Variants in CTNNA2 observed in about 807,000 individuals in gnomAD.
CTNNA2 encodes catenin alpha-2.
CTNNA2 carries 42 observed loss-of-function variants against 101.0 expected under a neutral mutation model. That is an observed-to-expected ratio of 0.42 (90% CI 0.32 to 0.54). The LOEUF (loss-of-function observed/expected upper bound fraction) is 0.54, where lower values mean the gene tolerates loss of function less well. Among genes scored for constraint, CTNNA2 ranks in the 20% least tolerant of loss-of-function variants. CTNNA2 has a pLI of 0.14. For synonymous variants in CTNNA2, 450 were observed against 456.4 expected, an observed-to-expected ratio of 0.99 and a Z score of 0.18; for missense variants, 871 against 1,223.1, an observed-to-expected ratio of 0.71 and a Z score of 4.29.
chr2:79,736,802 G>A (rs1350640312), intron 2 of CTNNA2, among the ~76,000 whole-genome samples: 1 of 152,198 alleles, frequency 6.6e-6, no homozygotes, highest in Non-Finnish European at 1.5e-5. Context: ...TATCTGCAAA[G>A]TGCACAAGTC....
chr2:80,156,654 G>A (rs935991379), intron 7 of CTNNA2, among the ~76,000 whole-genome samples: 9 of 152,178 alleles, frequency 5.9e-5, no homozygotes, highest in African/African-American at 2.2e-4. Context: ...CACTTGACAT[G>A]GCTGAGCTTC....
At chr2:79,497,930 G>A (rs1671276763) in intron 4 of CTNNA2, 1 of 152,192 alleles carries the variant, frequency 6.6e-6, no homozygotes, top group South Asian at 2.1e-4. Context: ...TAAAAGTACA[G>A]GGTAGGGCAC....
intron 2 of CTNNA2, among the ~76,000 whole-genome samples, chr2:79,294,439 G>A (rs1304419704): frequency 2.6e-5 from 4 of 152,040 alleles, no homozygotes; most frequent in Non-Finnish European, 5.9e-5. Flanking sequence ...GGGGTTTAGG[G>A]ATTTGACATG....
intron 7 of CTNNA2, among the ~76,000 whole-genome samples, chr2:80,125,646 C>A (rs114234844): frequency 1.9e-4 from 29 of 152,244 alleles, no homozygotes; most frequent in African/African-American, 6.7e-4. Flanking sequence ...TCTCATCAGA[C>A]TCCTTCATGA....
chr2:79,586,559 T>C (rs187493275), intron 1 of CTNNA2, among the ~76,000 whole-genome samples: 37 of 152,198 alleles, frequency 2.4e-4, no homozygotes, highest in African/African-American at 8.4e-4. Context: ...TTTTTTGTTA[T>C]GTTTCTGTTT....
chr2:80,124,785 A>G (rs1164049289), intron 7 of CTNNA2, among the ~76,000 whole-genome samples: 1 of 152,154 alleles, frequency 6.6e-6, no homozygotes, highest in Non-Finnish European at 1.5e-5. Context: ...CTCTGAATAA[A>G]TATGCAATCT....
In CTNNA2 at chr2:80,302,061, G is replaced by T; in HGVS notation, c.1057-91150G>T. 1 of 741,294 alleles carries T rather than the reference G, an allele frequency of 1.3e-6. No homozygotes were observed. The allele number at this position is 741,294 out of a possible 1,614,324, so 45.9% of individuals were successfully genotyped here. On this transcript the variant is annotated intron_variant, in intron 7 of 18. Transcript: ENST00000402739. The surrounding 1 kb of genome is among the most constrained non-coding windows in gnomAD (Gnocchi z 6.4). ...GTTGTGGGGTGGGGTTTTTTGTTGT[G>T]TTTTAATTCGCTTTTGTTTTTAAGA...
At chr2:79,651,131 T>C (rs1681217553) in intron 1 of CTNNA2, among the ~76,000 whole-genome samples, 1 of 152,130 alleles carries the variant, frequency 6.6e-6, no homozygotes, top group Non-Finnish European at 1.5e-5. Flanking sequence ...GATCTAGAAC[T>C]CTCTGTGTTT....
rs184196128 is a variant in CTNNA2, at chr2:80,201,238, C to A, written c.1057-191973C>A. Among the ~76,000 whole-genome samples, 3 of 151,932 alleles carry A rather than the reference C, an allele frequency of 2.0e-5. No homozygotes were observed. In the East Asian group the frequency reaches 5.8e-4, roughly 29 times the overall value. On this transcript the variant is annotated intron_variant, in intron 7 of 18. Transcript: ENST00000402739. ...ATTTTTAATGCTCAGTTGCTTGAATCCATGGGTGTATAACTCACAGATAAG... is the reference window on the plus strand; with the variant it reads ...ATTTTTAATGCTCAGTTGCTTGAATACATGGGTGTATAACTCACAGATAAG...
intron 4 of CTNNA2, among the ~76,000 whole-genome samples, chr2:79,411,474 A>T (rs1329062248): frequency 2.0e-5 from 3 of 152,040 alleles, no homozygotes; most frequent in Admixed American, 2.0e-4. Flanking sequence ...TGAAGGAAAA[A>T]ATGTTAAGGG....
chr2:80,512,827 T>C (rs1437689765), intron 9 of CTNNA2, among the ~76,000 whole-genome samples: 1 of 152,184 alleles, frequency 6.6e-6, no homozygotes, highest in Non-Finnish European at 1.5e-5. Flanking sequence ...ATAATGTTAA[T>C]ACCACAGATA....
chr2:80,349,721 T>C (rs940587050), intron 7 of CTNNA2, among the ~76,000 whole-genome samples: 1 of 152,138 alleles, frequency 6.6e-6, no homozygotes, highest in Admixed American at 6.6e-5. Flanking sequence ...GGTCTTGCTA[T>C]GTTGCTTAGG....
At chr2:79,536,127 A>G (rs1249724923) in intron 1 of CTNNA2, among the ~76,000 whole-genome samples, 2 of 152,182 alleles carry the variant, frequency 1.3e-5, no homozygotes, top group African/African-American at 4.8e-5. Context: ...CTGACAGGGA[A>G]GAGAAGTTAC....
chr2:80,116,428 A>T (rs982656923), intron 7 of CTNNA2, among the ~76,000 whole-genome samples: 3 of 152,016 alleles, frequency 2.0e-5, no homozygotes, highest in Admixed American at 6.6e-5. Context: ...ATTTAGAAAG[A>T]TAGCACTCTT....
intron 4 of CTNNA2, among the ~76,000 whole-genome samples, chr2:79,382,216 A>G (rs1678047440): frequency 6.6e-6 from 1 of 151,880 alleles, no homozygotes; most frequent in Non-Finnish European, 1.5e-5. Context: ...TCAGACTCAG[A>G]CTGAGACTTA....
At chr2:80,412,728 G>C (rs1679695696) in intron 8 of CTNNA2, among the ~76,000 whole-genome samples, 1 of 151,946 alleles carries the variant, frequency 6.6e-6, no homozygotes, top group Admixed American at 6.6e-5. Flanking sequence ...TCCTGTGTCT[G>C]GGTTCTGTTG....
At chr2:80,393,327 T>A in intron 8 of CTNNA2, 36 bp downstream of exon 8, 1 of 1,445,298 alleles carries the variant, frequency 6.9e-7, no homozygotes, top group South Asian at 1.2e-5. Flanking sequence ...GTCCATGATA[T>A]TCAGTAGTGG....
At chr2:80,350,767 A>G (rs767001492) in intron 7 of CTNNA2, among the ~76,000 whole-genome samples, 1 of 152,194 alleles carries the variant, frequency 6.6e-6, no homozygotes, top group African/African-American at 2.4e-5. Context: ...CAGTGCCCCA[A>G]CAACCATGGC....
intron 7 of CTNNA2, among the ~76,000 whole-genome samples, chr2:80,351,865 A>G (rs1374061333): frequency 1.3e-5 from 2 of 152,064 alleles, no homozygotes; most frequent in Non-Finnish European, 2.9e-5. Context: ...AGCACTTACC[A>G]TGTGCTAGTT....
Sources: gnomAD v4.1 joint callset for allele counts (sites outside exome capture counted in the v4.1 genomes callset) on GRCh38, gnomAD v4.1.1 for gene constraint, Gnocchi (gnomAD v3.1) non-coding constraint, MANE v1.5 for transcripts, NCBI Gene and HGNC (gene_info 2026-07-23, HGNC 2026-07-21) for gene names.